CADM2: variants seen among roughly 807,000 people sequenced by gnomAD.
CADM2 encodes the protein cell adhesion molecule 2.
A neutral mutation model predicts 49.8 loss-of-function variants in CADM2; 12 were observed. That is an observed-to-expected ratio of 0.24 (90% CI 0.15 to 0.39). The LOEUF (loss-of-function observed/expected upper bound fraction) is 0.39, where lower values mean the gene tolerates loss of function less well. Among genes scored for constraint, CADM2 ranks in the 10% least tolerant of loss-of-function variants. The pLI, the probability that CADM2 is intolerant of heterozygous loss-of-function variation, is 1.00. For synonymous variants in CADM2, 214 were observed against 175.4 expected (o/e 1.22, Z -1.74); for missense variants, 378 against 492.3 (o/e 0.77, Z 2.20).
At chr3:86,063,664 T>C (rs1738958948) in intron 8 of CADM2, among the ~76,000 whole-genome samples, 1 of 152,208 alleles carries the variant, frequency 6.6e-6, no homozygotes, top group Non-Finnish European at 1.5e-5. Context: ...GACTTTTTTT[T>C]CTATCTAGAC....
In CADM2 at chr3:85,602,569, G is replaced by T. The variant is rs1576909401; in HGVS notation, c.62-123953G>T. ...TTATTTGTTCATTGAAGACCAAAAA[G>T]GCCCTAGGTCTCTCTTAGTGTGGTT... On this transcript the variant is annotated intron_variant, in intron 1 of 9. Coordinates refer to ENST00000383699, the MANE Select transcript of CADM2 (RefSeq NM_001167675.2). 2.6e-5 allele frequency among the ~76,000 whole-genome samples: 4 copies of T among 151,630 alleles called. No homozygotes were observed. The South Asian group carries it at 8.3e-4, about 31-fold the overall frequency.
intron 1 of CADM2, among the ~76,000 whole-genome samples, chr3:85,058,041 A>G (rs1444011581): frequency 2.0e-5 from 3 of 152,234 alleles, no homozygotes; most frequent in African/African-American, 7.2e-5. Flanking sequence ...TTGGTGTAGC[A>G]AACATTTCTC....
At chr3:84,968,832 G>A (rs1406772424) in intron 1 of CADM2, among the ~76,000 whole-genome samples, 1 of 152,056 alleles carries the variant, frequency 6.6e-6, no homozygotes, top group Non-Finnish European at 1.5e-5. Context: ...TGGTTTTTAT[G>A]TGAGGCTGTA....
At chr3:86,062,390 T>A (rs1738767178) in intron 8 of CADM2, among the ~76,000 whole-genome samples, 1 of 152,172 alleles carries the variant, frequency 6.6e-6, no homozygotes, top group East Asian at 1.9e-4. Context: ...ATTAGAGAGC[T>A]AAAATTAACT....
intron 6 of CADM2, among the ~76,000 whole-genome samples, chr3:85,933,457 T>A (rs1351303691): frequency 6.6e-6 from 1 of 152,048 alleles, no homozygotes; most frequent in Non-Finnish European, 1.5e-5. Context: ...CTTCCTGAGA[T>A]TACCACCTGG....
chr3:85,858,159 C>A (rs2075385853), intron 3 of CADM2, among the ~76,000 whole-genome samples: 1 of 152,132 alleles, frequency 6.6e-6, no homozygotes, highest in African/African-American at 2.4e-5. Flanking sequence ...GGTCTAGTGT[C>A]TTTTACTAAA....
chr3:85,697,114 CAT>C (rs1174142599), intron 1 of CADM2, among the ~76,000 whole-genome samples: 15 of 141,846 alleles, frequency 1.1e-4, no homozygotes, highest in Middle Eastern at 3.8e-3. Flanking sequence ...ATATATATGG[CAT>C]ATATATATAT....
chr3:85,137,493 T>G (rs2107621022), intron 1 of CADM2, among the ~76,000 whole-genome samples: 1 of 152,144 alleles, frequency 6.6e-6, no homozygotes, highest in Admixed American at 6.5e-5. Flanking sequence ...TAAAACAAAT[T>G]TTGACTTTGC....
At chr3:85,570,226 A>C (rs920281831) in intron 1 of CADM2, among the ~76,000 whole-genome samples, 1 of 152,092 alleles carries the variant, frequency 6.6e-6, no homozygotes, top group Non-Finnish European at 1.5e-5. Context: ...TACTATCATC[A>C]ATTCATTTTT....
intron 1 of CADM2, among the ~76,000 whole-genome samples, chr3:85,406,120 A>G (rs866408951): frequency 1.1e-4 from 17 of 152,006 alleles, no homozygotes; most frequent in Admixed American, 2.6e-4. Flanking sequence ...GAGACCAACC[A>G]ATAGACAATT....
chr3:85,439,968 A>G (rs2037123290), intron 1 of CADM2, among the ~76,000 whole-genome samples: 1 of 152,188 alleles, frequency 6.6e-6, no homozygotes, highest in African/African-American at 2.4e-5. Flanking sequence ...TTAATACATT[A>G]TTTTTGGATT....
intron 1 of CADM2, among the ~76,000 whole-genome samples, chr3:84,982,241 G>A (rs559209105): frequency 2.6e-5 from 4 of 152,194 alleles, no homozygotes; most frequent in Admixed American, 1.3e-4. Flanking sequence ...TATGTATATA[G>A]TCAAGTGTTT....
chr3:85,558,549 T>G (rs1284490069), intron 1 of CADM2, among the ~76,000 whole-genome samples: 1 of 152,102 alleles, frequency 6.6e-6, no homozygotes, highest in Non-Finnish European at 1.5e-5. Context: ...TTTATGGTTC[T>G]GATAATGCCA....
chr3:85,220,881 G>A (rs2042029597), intron 1 of CADM2, among the ~76,000 whole-genome samples: 1 of 151,974 alleles, frequency 6.6e-6, no homozygotes. Flanking sequence ...AGTCTATAAG[G>A]CAAAACAAAG....
chr3:85,555,016 C>T (rs1165228439), intron 1 of CADM2, among the ~76,000 whole-genome samples: 1 of 151,740 alleles, frequency 6.6e-6, no homozygotes, highest in African/African-American at 2.4e-5. Context: ...GCACTAGGCC[C>T]AAAAACATCA....
At chr3:85,453,099 ATTTGTT>A (rs2037826263) in intron 1 of CADM2, among the ~76,000 whole-genome samples, 1 of 152,166 alleles carries the variant, frequency 6.6e-6, no homozygotes, top group Admixed American at 6.5e-5. Context: ...GTCAGCCTTT[ATTTGTT>A]TACCTGAAAT....
chr3:85,543,423 T>TGTGTGG (rs143013783), intron 1 of CADM2, among the ~76,000 whole-genome samples: 2 of 99,190 alleles, frequency 2.0e-5, no homozygotes. Flanking sequence ...CAAGCTAATG[T>TGTGTGG]GTGTGTGTGT....
intron 1 of CADM2, among the ~76,000 whole-genome samples, chr3:85,602,696 C>T (rs959830009): frequency 4.6e-5 from 7 of 151,656 alleles, no homozygotes; most frequent in Non-Finnish European, 8.9e-5. Flanking sequence ...TATAATCCTG[C>T]AAAATACTTT....
intron 1 of CADM2, among the ~76,000 whole-genome samples, chr3:85,208,903 A>C (rs562119940): frequency 6.6e-6 from 1 of 152,236 alleles, no homozygotes; most frequent in Non-Finnish European, 1.5e-5. Flanking sequence ...TCCCAATCAG[A>C]GAGAACACTC....
Sources: gnomAD v4.1 joint callset for allele counts (sites outside exome capture counted in the v4.1 genomes callset) on GRCh38, gnomAD v4.1.1 for gene constraint, MANE v1.5 for transcripts, NCBI Gene and HGNC (gene_info 2026-07-23, HGNC 2026-07-21) for gene names.